Variants in GPR39 observed in about 807,000 individuals in gnomAD.
The protein encoded by GPR39 is zinc sensing receptor.
In GPR39, 23 loss-of-function variants were observed where a neutral mutation model predicts 18.4. The ratio of observed to expected loss-of-function variants is 1.25; its 90% CI spans 0.90 to 1.77. The LOEUF is 1.77. Ranked by LOEUF, GPR39 falls within the 40% of genes most tolerant of loss-of-function variation. The pLI is 0.00. For synonymous variants in GPR39, 280 were observed against 257.9 expected (o/e 1.09, Z -0.82); for missense variants, 647 against 602.4 (o/e 1.07, Z -0.78).
chr2:132,482,815 C>T (rs1472220589), intron 1 of GPR39, among the ~76,000 whole-genome samples: 1 of 152,202 alleles, frequency 6.6e-6, no homozygotes, highest in Admixed American at 6.5e-5. Context: ...ATGTCTGTTT[C>T]TCCACCAATG....
intron 1 of GPR39, among the ~76,000 whole-genome samples, chr2:132,612,273 G>A (rs1681250985): frequency 6.6e-6 from 1 of 151,966 alleles, no homozygotes; most frequent in South Asian, 2.1e-4. Context: ...TCCCTCCATG[G>A]TTTCTGCTCT....
intron 1 of GPR39, among the ~76,000 whole-genome samples, chr2:132,492,264 A>G (rs187226222): frequency 4.2e-5 from 6 of 141,414 alleles, no homozygotes; most frequent in African/African-American, 1.6e-4. Context: ...TACACCATAT[A>G]TATACATACC....
chr2:132,517,922 A>G (rs778656027), intron 1 of GPR39, among the ~76,000 whole-genome samples: 4 of 152,196 alleles, frequency 2.6e-5, no homozygotes, highest in Non-Finnish European at 5.9e-5. Flanking sequence ...ATGTGGGTAT[A>G]TTGAAACCAT....
intron 1 of GPR39, among the ~76,000 whole-genome samples, chr2:132,451,225 C>T (rs1680627967): frequency 6.6e-6 from 1 of 151,760 alleles, no homozygotes; most frequent in South Asian, 2.1e-4. Flanking sequence ...GTCACCCATT[C>T]TTTCATTCTG....
chr2:132,515,017 CAACAA>C lies in GPR39; in HGVS notation c.856+97131_856+97135del, dbSNP rs368338392. 6.0e-4 allele frequency among the ~76,000 whole-genome samples: 92 copies of C among 152,220 alleles called. 2 individuals are homozygous for C. The South Asian group carries it at 0.014, about 23-fold the overall frequency. Reference sequence around the variant, plus strand: ...TGAAAAAAACACAGTAATATATTTCCAACAAAACAAAACAAACCTCAAGTTCCCTA... The same window carrying C: ...TGAAAAAAACACAGTAATATATTTCCAACAAAACAAACCTCAAGTTCCCTA... On this transcript the variant is annotated intron_variant, in intron 1 of 1. Transcript: ENST00000329321.
intron 1 of GPR39, among the ~76,000 whole-genome samples, chr2:132,508,966 C>T (rs1223911400): frequency 6.6e-6 from 1 of 152,170 alleles, no homozygotes; most frequent in Admixed American, 6.5e-5. Flanking sequence ...TCTTTGGTCT[C>T]CCAGAAGAAG....
intron 1 of GPR39, among the ~76,000 whole-genome samples, chr2:132,455,056 G>T (rs1156376254): frequency 6.6e-6 from 1 of 152,142 alleles, no homozygotes; most frequent in Non-Finnish European, 1.5e-5. Context: ...AGAAGGAATG[G>T]TACCAGTTCC....
intron 1 of GPR39, among the ~76,000 whole-genome samples, chr2:132,552,845 TAC>T (rs1680069797): frequency 1.7e-5 from 2 of 116,614 alleles, no homozygotes; most frequent in South Asian, 3.2e-4. Context: ...TATATATATA[TAC>T]ACACATATAT....
chr2:132,615,837 A>G (rs529747117), intron 1 of GPR39, among the ~76,000 whole-genome samples: 75 of 151,520 alleles, frequency 4.9e-4, no homozygotes, highest in Non-Finnish European at 9.4e-4. Context: ...GGAGGCCTTT[A>G]CTCTCAGGTG....
chr2:132,437,717 A>G (rs1680351158), intron 1 of GPR39, among the ~76,000 whole-genome samples: 2 of 152,202 alleles, frequency 1.3e-5, no homozygotes, highest in Admixed American at 1.3e-4. Flanking sequence ...CTGGGAGGCT[A>G]CAGAGAGGCA....
chr2:132,480,852 CTA>C (rs1425606727), intron 1 of GPR39, among the ~76,000 whole-genome samples: 3 of 152,136 alleles, frequency 2.0e-5, no homozygotes, highest in Non-Finnish European at 4.4e-5. Context: ...TCTCATGTTT[CTA>C]TGTGTTTGAC....
chr2:132,494,085 G>A (rs1681591201), intron 1 of GPR39, among the ~76,000 whole-genome samples: 1 of 152,086 alleles, frequency 6.6e-6, no homozygotes, highest in South Asian at 2.1e-4. Context: ...AGGACGTGAG[G>A]GAGTAGGGAA....
In GPR39 at chr2:132,449,774, C is replaced by G. The variant is rs552611231; in HGVS notation, c.856+31876C>G. The stretch of plus-strand genomic sequence containing the variant: ...GGCCTAGATGATTGGCATTTATTAT[C>G]ATTTTGTGTCTGCCTTCTGCTCAGA... On this transcript the variant is annotated intron_variant, in intron 1 of 1. Transcript: ENST00000329321. Among the ~76,000 whole-genome samples, 4 of 152,108 alleles carry G rather than the reference C, an allele frequency of 2.6e-5. No individual in the cohort carries two copies. The South Asian group carries it at 8.3e-4, about 32-fold the overall frequency.
intron 1 of GPR39, among the ~76,000 whole-genome samples, chr2:132,605,078 G>A (rs964803468): frequency 2.0e-5 from 3 of 152,176 alleles, no homozygotes; most frequent in Non-Finnish European, 4.4e-5. Context: ...TACAGTCAAT[G>A]AGTGCTCAGG....
intron 1 of GPR39, among the ~76,000 whole-genome samples, chr2:132,581,490 C>G (rs1375895046): frequency 6.6e-6 from 1 of 151,970 alleles, no homozygotes; most frequent in Non-Finnish European, 1.5e-5. Context: ...TGGCTGGTGC[C>G]CTTGTTATGT....
chr2:132,605,030 G>T (rs1433752021), intron 1 of GPR39: 3 of 152,166 alleles, frequency 2.0e-5, no homozygotes, highest in Admixed American at 1.3e-4. Context: ...TGTGATATAG[G>T]TACTGTTTGC....
intron 1 of GPR39, among the ~76,000 whole-genome samples, chr2:132,427,919 A>AC (rs1558795954): frequency 1.1e-4 from 16 of 146,432 alleles, no homozygotes; most frequent in African/African-American, 3.0e-4. Flanking sequence ...TTATATTTAA[A>AC]TATATATATT....
intron 1 of GPR39, among the ~76,000 whole-genome samples, chr2:132,614,990 C>T (rs1193180535): frequency 3.3e-5 from 5 of 152,196 alleles, no homozygotes; most frequent in Non-Finnish European, 7.3e-5. Flanking sequence ...AGTTTGGTTT[C>T]CATCTGAGCA....
intron 1 of GPR39, 110 bp downstream of exon 1, chr2:132,418,008 C>T: frequency 2.3e-6 from 3 of 1,330,020 alleles, no homozygotes; most frequent in Admixed American, 2.3e-5. Context: ...GAATTGCACA[C>T]TTAAGTTTAC....
Sources: gnomAD v4.1 joint callset for allele counts (sites outside exome capture counted in the v4.1 genomes callset) on GRCh38, gnomAD v4.1.1 for gene constraint, MANE v1.5 for transcripts, NCBI Gene and HGNC (gene_info 2026-07-23, HGNC 2026-07-21) for gene names.